The following NRG3 variants were observed in gnomAD, a reference collection of about 807,000 sequenced individuals.
The protein encoded by NRG3 is pro-neuregulin-3, membrane-bound isoform.
Under a neutral mutation model 66.9 loss-of-function variants are expected in NRG3, and 31 were observed. That is an observed-to-expected ratio of 0.46 (90% confidence interval 0.35 to 0.63). NRG3 has a LOEUF of 0.63. Ranked by LOEUF, NRG3 falls within the 20% of genes least tolerant of loss-of-function variation. The pLI, the probability that NRG3 is intolerant of heterozygous loss-of-function variation, is 0.00. For synonymous variants in NRG3, 393 were observed against 359.4 expected (o/e 1.09, Z -1.06); for missense variants, 910 against 878.9 (o/e 1.04, Z -0.45).
intron 2 of NRG3, among the ~76,000 whole-genome samples, chr10:82,576,529 G>T (rs944915201): frequency 6.6e-6 from 1 of 151,670 alleles, no homozygotes; most frequent in African/African-American, 2.4e-5. Flanking sequence ...ACAAAAGCAG[G>T]CTGTCACATT....
At position 82,665,771 on chromosome 10, in the gene NRG3, C is replaced by T. The variant is rs190198762; in HGVS notation, c.954-72806C>T. ...GTGCTTATTTCACATGAAATCTCAACAATATTTTACCCATTGAACCCACCC... is the reference window on the plus strand; with the variant it reads ...GTGCTTATTTCACATGAAATCTCAATAATATTTTACCCATTGAACCCACCC... On this transcript the variant is annotated intron_variant, in intron 2 of 8. Coordinates refer to ENST00000372141, the MANE Select transcript of NRG3 (RefSeq NM_001010848.4). Among the ~76,000 whole-genome samples, 135 of 152,262 alleles carry T rather than the reference C, an allele frequency of 8.9e-4. 1 individual carries two copies. Among genetic ancestry groups the T allele is most frequent in the African/African-American group, 3.2e-3 (131 of 41,564 alleles).
chr10:82,730,175 C>G (rs2057828180), intron 2 of NRG3, among the ~76,000 whole-genome samples: 1 of 150,508 alleles, frequency 6.6e-6, no homozygotes, highest in Non-Finnish European at 1.5e-5. Context: ...AGCTCTGCCT[C>G]CCAGGTTCCA....
chr10:82,830,636 A>G (rs1294118312), intron 3 of NRG3, among the ~76,000 whole-genome samples: 2 of 152,074 alleles, frequency 1.3e-5, no homozygotes, highest in East Asian at 3.9e-4. Flanking sequence ...GTAGGTAATC[A>G]TGAGGCTCAA....
At chr10:82,114,372 G>A (rs1393853421) in intron 1 of NRG3, among the ~76,000 whole-genome samples, 1 of 152,100 alleles carries the variant, frequency 6.6e-6, no homozygotes, top group Non-Finnish European at 1.5e-5. Flanking sequence ...CGACCCCGGA[G>A]GAAAGTCTCT....
Position 82,887,406 on chromosome 10 carries a change from G to C in NRG3, c.1054+21969G>C, listed in dbSNP as rs138204062. Among the ~76,000 whole-genome samples the C allele has an allele frequency of 2.6e-5, 4 of 152,272 alleles. No homozygotes were observed. In the East Asian group the frequency reaches 7.7e-4, roughly 29 times the overall value. On this transcript the variant is annotated intron_variant, in intron 4 of 8. Coordinates refer to ENST00000372141, the MANE Select transcript of NRG3 (RefSeq NM_001010848.4). ...TGGTTGAAAGAGTTTATGGCAAATA[G>C]AATTTGGCTGTGAATTATGTTTTCC...
At chr10:81,992,259 A>G (rs2060771440) in intron 1 of NRG3, among the ~76,000 whole-genome samples, 1 of 152,174 alleles carries the variant, frequency 6.6e-6, no homozygotes, top group Admixed American at 6.5e-5. Flanking sequence ...TATATGTGGA[A>G]AGAATGTTGG....
At chr10:82,690,320 G>T (rs185628836) in intron 2 of NRG3, among the ~76,000 whole-genome samples, 3 of 151,368 alleles carry the variant, frequency 2.0e-5, no homozygotes, top group African/African-American at 4.9e-5. Flanking sequence ...CAGGAACATA[G>T]GGAAATCTTA....
chr10:82,381,552 C>T (rs2085619302), intron 2 of NRG3, among the ~76,000 whole-genome samples: 2 of 152,124 alleles, frequency 1.3e-5, no homozygotes, highest in African/African-American at 2.4e-5. Context: ...TACAAGATTA[C>T]CTCTGAAAGA....
At chr10:82,497,153 A>T (rs191117725) in intron 2 of NRG3, among the ~76,000 whole-genome samples, 13 of 152,292 alleles carry the variant, frequency 8.5e-5, no homozygotes, top group African/African-American at 3.1e-4. Flanking sequence ...ATTAGCATGA[A>T]ATGCAAGTTG....
chr10:81,985,253 T>A (rs1224218856), intron 1 of NRG3, among the ~76,000 whole-genome samples: 1 of 152,210 alleles, frequency 6.6e-6, no homozygotes, highest in Non-Finnish European at 1.5e-5. Context: ...TCAGAAAGTC[T>A]GTTTCCAGAG....
At chr10:81,932,191 G>A (rs1382208747) in intron 1 of NRG3, among the ~76,000 whole-genome samples, 1 of 146,186 alleles carries the variant, frequency 6.8e-6, no homozygotes, top group African/African-American at 2.6e-5. Context: ...GAGAGAGAGA[G>A]GAGAGAGAGA....
chr10:82,818,831 A>G (rs1056755859), intron 3 of NRG3, among the ~76,000 whole-genome samples: 14 of 152,172 alleles, frequency 9.2e-5, no homozygotes, highest in Admixed American at 3.3e-4. Context: ...TTAGAAAAAC[A>G]TATTCTCTCA....
intron 2 of NRG3, among the ~76,000 whole-genome samples, chr10:82,631,125 T>A (rs1428449470): frequency 6.6e-6 from 1 of 152,290 alleles, no homozygotes; most frequent in East Asian, 1.9e-4. Flanking sequence ...GTCATTACTC[T>A]GTCTGCTGAG....
At chr10:82,649,203 A>G (rs1417906015) in intron 2 of NRG3, among the ~76,000 whole-genome samples, 1 of 152,176 alleles carries the variant, frequency 6.6e-6, no homozygotes, top group African/African-American at 2.4e-5. Flanking sequence ...TGCAGATGAC[A>G]TGATTGTAGA....
At chr10:82,347,864 GT>G (rs1480842964) in intron 1 of NRG3, among the ~76,000 whole-genome samples, 7 of 151,852 alleles carry the variant, frequency 4.6e-5, no homozygotes, top group African/African-American at 1.7e-4. Context: ...TTTAAAGTCT[GT>G]TTTATCAGAG....
chr10:82,636,050 A>T (rs1042781826), intron 2 of NRG3, among the ~76,000 whole-genome samples: 6 of 152,204 alleles, frequency 3.9e-5, no homozygotes, highest in Admixed American at 3.3e-4. Context: ...TATATGTAGT[A>T]ATATTAATCC....
chr10:82,463,194 C>T (rs538474863), intron 2 of NRG3, among the ~76,000 whole-genome samples: 1 of 152,256 alleles, frequency 6.6e-6, no homozygotes, highest in East Asian at 1.9e-4. Context: ...AGATGGCAGG[C>T]GGTTATTTCC....
chr10:82,845,496 T>A (rs1342771856), intron 3 of NRG3, among the ~76,000 whole-genome samples: 1 of 151,420 alleles, frequency 6.6e-6, no homozygotes, highest in Non-Finnish European at 1.5e-5. Flanking sequence ...TGCTTATACG[T>A]GTAAGGCACA....
At chr10:82,611,264 TTTTA>T (rs1483578529) in intron 2 of NRG3, among the ~76,000 whole-genome samples, 2 of 152,004 alleles carry the variant, frequency 1.3e-5, no homozygotes, top group Non-Finnish European at 2.9e-5. Context: ...TTCATTTTTA[TTTTA>T]TTTATTTATT....
Sources: allele counts gnomAD v4.1 joint callset (sites outside exome capture counted in the v4.1 genomes callset), GRCh38; gene constraint gnomAD v4.1.1; transcripts MANE v1.5; gene names NCBI Gene and HGNC (gene_info 2026-07-23, HGNC 2026-07-21).